SLC28A1: variants seen among roughly 807,000 people sequenced by gnomAD.
SLC28A1 encodes the protein solute carrier family 28 member 1.
Under a neutral mutation model 74.8 loss-of-function variants are expected in SLC28A1, and 64 were observed. The ratio of observed to expected loss-of-function variants is 0.86; its 90% CI spans 0.70 to 1.05. SLC28A1 has a LOEUF of 1.05. Among genes scored for constraint, SLC28A1 ranks in the 50% least tolerant of loss-of-function variants. The pLI, the probability that SLC28A1 is intolerant of heterozygous loss-of-function variation, is 0.00. For synonymous variants in SLC28A1, 359 were observed against 335.0 expected (o/e 1.07, Z -0.78); for missense variants, 828 against 822.8 (o/e 1.01, Z -0.08).
intron 15 of SLC28A1, among the ~76,000 whole-genome samples, chr15:84,942,259 GA>G (rs1403338212): frequency 5.9e-5 from 9 of 152,050 alleles, no homozygotes; most frequent in African/African-American, 2.2e-4. Flanking sequence ...CCATCCCCTC[GA>G]GCATTTATCC....
At chr15:84,956,691 G>A in the SLC28A1 span, among the ~76,000 whole-genome samples, 2 of 144,126 alleles carry the variant, frequency 1.4e-5, no homozygotes, top group Non-Finnish European at 3.0e-5. Flanking sequence ...TTTTAATAGA[G>A]ATAAGGTCTT....
intron 9 of SLC28A1, among the ~76,000 whole-genome samples, chr15:84,913,906 C>T (rs1276520526): frequency 6.6e-6 from 1 of 152,192 alleles, no homozygotes; most frequent in Non-Finnish European, 1.5e-5. Flanking sequence ...TGTGTCCTCA[C>T]ATGGTAAAAG....
Position 84,912,844 on chromosome 15 carries a change from AC to A in SLC28A1, c.795+4050del, listed in dbSNP as rs1567151231. On this transcript the variant is annotated intron_variant, in intron 9 of 18. Transcript: ENST00000394573. ...CACACACACACACACACACACACAC[AC>A]ACAGATCAAATAAGGACCAAAAGGT... 6.9e-4 allele frequency among the ~76,000 whole-genome samples: 89 copies of A among 128,636 alleles called. 1 individual carries two copies. Among genetic ancestry groups the A allele is most frequent in the African/African-American group, 8.4e-4 (33 of 39,400 alleles). 84.4% of individuals were successfully genotyped at this position (128,636 alleles called of 152,430 possible). A position where few individuals can be genotyped will look rare whatever the true frequency, so the allele number is the denominator to read the frequency against.
chr15:84,930,911 AG>A (rs1971192822), intron 12 of SLC28A1, among the ~76,000 whole-genome samples: 1 of 152,038 alleles, frequency 6.6e-6, no homozygotes, highest in African/African-American at 2.4e-5. Flanking sequence ...CTGGGATTAC[AG>A]GCACACACCA....
chr15:84,958,634 G>A, the SLC28A1 span, among the ~76,000 whole-genome samples: 1 of 151,966 alleles, frequency 6.6e-6, no homozygotes, highest in African/African-American at 2.4e-5. Context: ...GCTTACTGAA[G>A]CTTTGGTCTC....
At chr15:84,907,661 A>G (rs1390965635) in intron 8 of SLC28A1, among the ~76,000 whole-genome samples, 1 of 152,154 alleles carries the variant, frequency 6.6e-6, no homozygotes, top group African/African-American at 2.4e-5. Context: ...ATGAGCCACT[A>G]CACCTGGCTA....
the SLC28A1 span, among the ~76,000 whole-genome samples, chr15:84,973,446 A>T: frequency 1.6e-3 from 242 of 152,326 alleles, no homozygotes; most frequent in African/African-American, 5.5e-3. Context: ...TCATGTGTCC[A>T]TCTCCAAGCC....
chr15:84,951,337 T>G, the SLC28A1 span, among the ~76,000 whole-genome samples: 1 of 151,434 alleles, frequency 6.6e-6, no homozygotes, highest in Non-Finnish European at 1.5e-5. Flanking sequence ...CTTGGGAGGC[T>G]GAGACAGGCT....
At chr15:84,921,770 G>A (rs963086230) in intron 11 of SLC28A1, among the ~76,000 whole-genome samples, 1 of 152,126 alleles carries the variant, frequency 6.6e-6, no homozygotes. Context: ...GTTATTTTTT[G>A]TTTAGTTTTG....
chr15:84,905,622 T>G lies in SLC28A1; in HGVS notation c.687T>G (p.Ile229Met). ...LLVIRTEPGF[I>M]AFEWLGEQIR... ...TCATCAGAACAGAACCAGGATTCATTGCGTTCGAGTGGCTGGGCGAGCAGA... is the reference window on the plus strand; with the variant it reads ...TCATCAGAACAGAACCAGGATTCATGGCGTTCGAGTGGCTGGGCGAGCAGA... The change falls in exon 8 of 19, where the codon ATT becomes ATG. Residue 229 changes from isoleucine (I) to methionine (M), a missense_variant. Ile to Met is a conservative substitution (Grantham distance 10). This residue lies in a region of SLC28A1 where 767 missense variants were observed against 753.5 expected (regional missense o/e 1.02). Coordinates refer to ENST00000394573, the MANE Select transcript of SLC28A1 (RefSeq NM_004213.5). The G allele has an allele frequency of 6.2e-7, 1 of 1,613,972 alleles. No homozygotes were observed. Among genetic ancestry groups the G allele is most frequent in the Non-Finnish European group, 8.5e-7 (1 of 1,179,882 alleles).
At chr15:84,905,416 G>T in intron 7 of SLC28A1, 123 bp from the exon 8 acceptor site, 1 of 725,798 alleles carries the variant, frequency 1.4e-6, no homozygotes, top group Non-Finnish European at 2.5e-6. Flanking sequence ...AACAGGCCTA[G>T]TACTCTGCCT....
In SLC28A1 at chr15:84,921,066, C is replaced by G; in HGVS notation, c.954C>G (p.Ser318Arg). ...GTGTGGCTGGAAACATCTTTGTGAG[C>G]CAGGTGGGTATGGAAGCCTCCTACC... Reference protein sequence around the residue: ...TLSVAGNIFVSQTEAPLLIRP... With the variant: ...TLSVAGNIFVRQTEAPLLIRP... The change falls in exon 11 of 19, where the codon AGC becomes AGG. Residue 318 changes from serine (S) to arginine (R), a missense_variant. Around this residue, in one of 3 missense-constraint regions of SLC28A1, gnomAD observed 767 missense variants for 753.5 expected, o/e 1.02. Transcript: ENST00000394573. 6.2e-7 allele frequency: 1 copy of G among 1,613,052 alleles called. No individual in the cohort carries two copies. The highest frequency in any genetic ancestry group is 1.3e-5 in the African/African-American group (1 of 75,006).
At chr15:84,943,181 C>T (rs2095123979) in intron 15 of SLC28A1, among the ~76,000 whole-genome samples, 1 of 151,964 alleles carries the variant, frequency 6.6e-6, no homozygotes, top group Non-Finnish European at 1.5e-5. Context: ...AGTAAAACTC[C>T]GTCTCAAACA....
In SLC28A1 at chr15:84,886,750, C is replaced by G. The variant is rs186715898; in HGVS notation, c.-54C>G. The stretch of plus-strand genomic sequence containing the variant: ...CTTGTCCCCACAGAGACGTGTGCTT[C>G]CCTCTCTCTCTGAGAGCGACCTGTT... On this transcript the variant is annotated 5_prime_UTR_variant, in exon 2 of 19. Transcript: ENST00000394573. The G allele has an allele frequency of 3.7e-4, 367 of 985,458 alleles. 5 individuals are homozygous for G. In the South Asian group the frequency reaches 9.5e-3, roughly 26 times the overall value. The allele number at this position is 985,458 out of a possible 1,614,324, so 61.0% of individuals were successfully genotyped here. A position where few individuals can be genotyped will look rare whatever the true frequency, so the allele number is the denominator to read the frequency against.
chr15:84,905,762 A>G (rs1375549940), intron 8 of SLC28A1, 110 bp downstream of exon 8: 9 of 838,224 alleles, frequency 1.1e-5, no homozygotes, highest in Middle Eastern at 5.8e-4. Context: ...AAGGCTTGGG[A>G]CCTGGAGGGT....
intron 9 of SLC28A1, among the ~76,000 whole-genome samples, chr15:84,913,289 C>G (rs927994201): frequency 6.6e-6 from 1 of 152,152 alleles, no homozygotes; most frequent in Non-Finnish European, 1.5e-5. Flanking sequence ...AGTGCTCAAG[C>G]CTTGGGGTCT....
intron 15 of SLC28A1, among the ~76,000 whole-genome samples, chr15:84,938,793 G>A (rs1972288720): frequency 6.6e-6 from 1 of 152,144 alleles, no homozygotes; most frequent in Admixed American, 6.5e-5. Context: ...GGCTGGACTG[G>A]TCAGAAAAAA....
chr15:84,966,535 A>T, the SLC28A1 span, among the ~76,000 whole-genome samples: 13 of 151,838 alleles, frequency 8.6e-5, no homozygotes, highest in South Asian at 2.7e-3. Flanking sequence ...CAAGCAATCC[A>T]CCTGAATTAG....
chr15:84,903,848 G>A (rs12914194), intron 6 of SLC28A1, among the ~76,000 whole-genome samples: 15,669 of 152,138 alleles, frequency 0.1, 1,071 homozygotes, highest in Non-Finnish European at 0.13. Flanking sequence ...AGAAATGAGG[G>A]GTCTCTGGCT....
Sources: gnomAD v4.1 joint callset for allele counts (sites outside exome capture counted in the v4.1 genomes callset) on GRCh38, gnomAD v4.1.1 for gene constraint, gnomAD v4.1.1 regional missense constraint, MANE v1.5 for transcripts, NCBI Gene and HGNC (gene_info 2026-07-23, HGNC 2026-07-21) for gene names.